MITF: variants seen among roughly 807,000 people sequenced by gnomAD.
MITF encodes the protein melanocyte inducing transcription factor.
MITF carries 17 observed loss-of-function variants against 60.5 expected under a neutral mutation model. The observed-to-expected ratio is 0.28, with a 90% CI of 0.19 to 0.42. The LOEUF (loss-of-function observed/expected upper bound fraction) is 0.42, where lower values mean the gene tolerates loss of function less well. MITF is among the 10% of genes least tolerant of loss of function. The pLI is 1.00. For missense variants in MITF, 622 were observed against 683.5 expected (o/e 0.91, Z 1.00); for synonymous variants, 260 against 248.5 (o/e 1.05, Z -0.43).
intron 1 of MITF, among the ~76,000 whole-genome samples, chr3:69,758,309 A>G (rs868549930): frequency 5.3e-5 from 8 of 151,780 alleles, no homozygotes; most frequent in Admixed American, 2.0e-4. Flanking sequence ...AGCTGGGACT[A>G]CAGGTGTACA....
chr3:69,880,978 A>C (rs2064473319), intron 2 of MITF, among the ~76,000 whole-genome samples: 1 of 152,076 alleles, frequency 6.6e-6, no homozygotes, highest in South Asian at 2.1e-4. Flanking sequence ...ACAGAGAGGA[A>C]ATTACCCAAA....
At chr3:69,938,631 G>A in intron 3 of MITF, 4 of 1,340,056 alleles carry the variant, frequency 3.0e-6, no homozygotes, top group Non-Finnish European at 3.8e-6. Flanking sequence ...AATCTGCTTT[G>A]GTGAAGGCTG....
intron 2 of MITF, among the ~76,000 whole-genome samples, chr3:69,904,068 C>T (rs1005426315): frequency 6.6e-6 from 1 of 152,078 alleles, no homozygotes. Flanking sequence ...TGAATAAACA[C>T]GTCTAGAAAC....
chr3:69,763,378 A>G (rs2106808953), intron 1 of MITF, among the ~76,000 whole-genome samples: 1 of 152,330 alleles, frequency 6.6e-6, no homozygotes, highest in Admixed American at 6.5e-5. Context: ...ATAAAGAGGT[A>G]GTTTTGGAGC....
intron 1 of MITF, among the ~76,000 whole-genome samples, chr3:69,841,388 A>G (rs528170147): frequency 2.0e-5 from 3 of 152,244 alleles, no homozygotes; most frequent in Non-Finnish European, 4.4e-5. Context: ...TGAAAAGGTG[A>G]TAGATAAAAA....
chr3:69,953,577 G>GTGTA (rs2066310856), intron 7 of MITF, among the ~76,000 whole-genome samples: 1 of 149,034 alleles, frequency 6.7e-6, no homozygotes, highest in Non-Finnish European at 1.5e-5. Context: ...GTATGTATGT[G>GTGTA]TGTATGTGTG....
At position 69,859,558 on chromosome 3, in the gene MITF, G is replaced by A. The variant is rs147978486; in HGVS notation, c.105-19576G>A. Among the ~76,000 whole-genome samples, 56 of 152,140 alleles carry A rather than the reference G, an allele frequency of 3.7e-4. No homozygotes were observed. In the East Asian group the frequency reaches 0.011, roughly 29 times the overall value. On this transcript the variant is annotated intron_variant, in intron 1 of 9. Transcript: ENST00000352241. The stretch of plus-strand genomic sequence containing the variant: ...AAGGGAAGGGTGGGTTCATCTCAGC[G>A]GCTGTGAGCTTAGCCAAGGTGGTCC...
At chr3:69,792,094 G>C (rs2062749897) in intron 1 of MITF, among the ~76,000 whole-genome samples, 1 of 152,160 alleles carries the variant, frequency 6.6e-6, no homozygotes. Context: ...TGCTGCCTCT[G>C]TTTTTGAAAA....
chr3:69,870,127 T>A (rs2064195872), intron 1 of MITF, among the ~76,000 whole-genome samples: 1 of 149,820 alleles, frequency 6.7e-6, no homozygotes, highest in Admixed American at 6.7e-5. Flanking sequence ...ACAGTTGCCG[T>A]AGTCAGTTGT....
At chr3:69,819,173 G>A (rs34610895) in intron 1 of MITF, among the ~76,000 whole-genome samples, 51,432 of 152,060 alleles carry the variant, frequency 0.34, 9,729 homozygotes, top group Non-Finnish European at 0.43. Context: ...AATGCCATCT[G>A]AAGGGCACAG....
intron 1 of MITF, among the ~76,000 whole-genome samples, chr3:69,779,998 T>C (rs991916715): frequency 1.3e-5 from 2 of 152,000 alleles, no homozygotes; most frequent in African/African-American, 4.8e-5. Context: ...GGCATAACAA[T>C]AGGATTGGGA....
At chr3:69,926,233 C>G (rs1276247611) in intron 2 of MITF, among the ~76,000 whole-genome samples, 1 of 152,158 alleles carries the variant, frequency 6.6e-6, no homozygotes, top group African/African-American at 2.4e-5. Flanking sequence ...TAAGAATTTC[C>G]CAAGCCAATG....
chr3:69,800,490 A>G (rs1472531926), intron 1 of MITF, among the ~76,000 whole-genome samples: 1 of 152,168 alleles, frequency 6.6e-6, no homozygotes, highest in Non-Finnish European at 1.5e-5. Flanking sequence ...TAAACATACC[A>G]TAGATCATCA....
At chr3:69,934,550 C>G (rs2065790337) in intron 2 of MITF, among the ~76,000 whole-genome samples, 1 of 152,136 alleles carries the variant, frequency 6.6e-6, no homozygotes. Flanking sequence ...ATGAGGCAAG[C>G]TCTACTGTCA....
intron 2 of MITF, among the ~76,000 whole-genome samples, chr3:69,911,188 T>C (rs2065217526): frequency 1.3e-5 from 2 of 152,178 alleles, no homozygotes; most frequent in South Asian, 2.1e-4. Context: ...GCTGCCACCA[T>C]GTAAGAAGTG....
At chr3:69,884,051 A>G (rs1575879097) in intron 2 of MITF, among the ~76,000 whole-genome samples, 1 of 152,306 alleles carries the variant, frequency 6.6e-6, no homozygotes, top group South Asian at 2.1e-4. Flanking sequence ...TTCCCTGCAG[A>G]ATCTGAATCA....
intron 1 of MITF, among the ~76,000 whole-genome samples, chr3:69,789,862 A>G (rs2062711351): frequency 6.6e-6 from 1 of 152,100 alleles, no homozygotes; most frequent in Non-Finnish European, 1.5e-5. Flanking sequence ...TCTCAGAAAA[A>G]CAAACAAACA....
intron 1 of MITF, among the ~76,000 whole-genome samples, chr3:69,770,930 G>T (rs1289286392): frequency 4.6e-5 from 7 of 152,104 alleles, no homozygotes; most frequent in Non-Finnish European, 8.8e-5. Flanking sequence ...CTAGGTGTGG[G>T]CTTAGCATTA....
intron 1 of MITF, among the ~76,000 whole-genome samples, chr3:69,750,535 A>G (rs1037729215): frequency 2.3e-4 from 35 of 151,236 alleles, no homozygotes; most frequent in African/African-American, 6.1e-4. Context: ...TAAAATAACA[A>G]TACAAGAGTA....
Sources: allele counts gnomAD v4.1 joint callset (sites outside exome capture counted in the v4.1 genomes callset), GRCh38; gene constraint gnomAD v4.1.1; transcripts MANE v1.5; gene names NCBI Gene and HGNC (gene_info 2026-07-23, HGNC 2026-07-21).